ZNF454: variants seen among roughly 807,000 people sequenced by gnomAD.
ZNF454 encodes the protein zinc finger protein 454.
A neutral mutation model predicts 48.2 loss-of-function variants in ZNF454; 30 were observed. The ratio of observed to expected loss-of-function variants is 0.62; its 90% CI spans 0.47 to 0.84. The LOEUF is 0.84. Ranked by LOEUF, ZNF454 falls within the 40% of genes least tolerant of loss-of-function variation. ZNF454 has a pLI of 0.00. For missense variants in ZNF454, 510 were observed against 623.1 expected, an observed-to-expected ratio of 0.82 and a Z score of 1.93; for synonymous variants, 204 against 211.4, an observed-to-expected ratio of 0.97 and a Z score of 0.30.
At chr5:178,976,389 G>T in the ZNF454 span, among the ~76,000 whole-genome samples, 1 of 152,190 alleles carries the variant, frequency 6.6e-6, no homozygotes, top group Admixed American at 6.5e-5. Context: ...GTCTGCTGAT[G>T]TATCCCAGGT....
chr5:178,941,328 G>A lies in ZNF454; in HGVS notation c.-224G>A, dbSNP rs1759077856. The A allele has an allele frequency of 4.4e-6, 2 of 453,662 alleles. No individual in the cohort carries two copies. Among genetic ancestry groups the A allele is most frequent in the Non-Finnish European group, 8.9e-6 (2 of 225,064 alleles). The allele number at this position is 453,662 out of a possible 1,614,324, so 28.1% of individuals were successfully genotyped here. A position where few individuals can be genotyped will look rare whatever the true frequency, so the allele number is the denominator to read the frequency against. ...AGGCACGGTGGTCAAAGCCGCAGAG[G>A]GAGAGCGGGAGCGGTCGTGAGGTCG... On this transcript the variant is annotated 5_prime_UTR_variant, in exon 1 of 5. Coordinates refer to ENST00000519564, the MANE Select transcript of ZNF454 (RefSeq NM_001178089.3). This position sits in a 1 kb window ranked among gnomAD's most constrained non-coding sequence, Gnocchi z 5.5.
intron 4 of ZNF454, among the ~76,000 whole-genome samples, chr5:178,949,135 CG>C (rs1270014286): frequency 6.6e-6 from 1 of 152,048 alleles, no homozygotes; most frequent in Non-Finnish European, 1.5e-5. Context: ...CTGCAACCTC[CG>C]TTCTCCCGAG....
chr5:178,984,606 G>A, the ZNF454 span, among the ~76,000 whole-genome samples: 2 of 152,170 alleles, frequency 1.3e-5, no homozygotes, highest in African/African-American at 2.4e-5. Flanking sequence ...ATCTCCACCT[G>A]AGGGTGGGGG....
rs770257574 is a variant in ZNF454 at position 178,946,897 on chromosome 5, G to A, written c.161G>A (p.Gly54Glu). The change falls in exon 4 of 5, where the codon GGA becomes GAA. Residue 54 changes from glycine to glutamate, a missense_variant and splice_region_variant. Coordinates refer to ENST00000519564, the MANE Select transcript of ZNF454 (RefSeq NM_001178089.3). The surrounding 1 kb of genome is among the most constrained non-coding windows in gnomAD (Gnocchi z 4.5). ...CATTTTTGTCTCCCCTTAAAAACAG[G>A]ACTCTTAGGACCCAAACCAGATACG... The part of the protein sequence containing the change: ...LENYSNLVSL[G>E]LLGPKPDTFS... 3 of 1,613,256 alleles carry A rather than the reference G, an allele frequency of 1.9e-6. No individual in the cohort carries two copies. The highest frequency in any genetic ancestry group is 2.2e-5 in the South Asian group (2 of 90,954).
chr5:178,959,429 C>G (rs1267032439), intron 4 of ZNF454, among the ~76,000 whole-genome samples: 11 of 152,138 alleles, frequency 7.2e-5, no homozygotes, highest in Admixed American at 2.0e-4. Context: ...TATAATAAGC[C>G]TTACACTTGC....
chr5:178,985,208 C>T, the ZNF454 span: 34 of 452,610 alleles, frequency 7.5e-5, no homozygotes, highest in Admixed American at 4.8e-4. Context: ...GCTCTTTGAC[C>T]TGTTTCCATA....
At chr5:178,951,143 C>T (rs551418776) in intron 4 of ZNF454, among the ~76,000 whole-genome samples, 14 of 152,320 alleles carry the variant, frequency 9.2e-5, no homozygotes, top group Admixed American at 3.3e-4. Flanking sequence ...CAGGCATGAG[C>T]CACTGCACCC....
intron 2 of ZNF454, among the ~76,000 whole-genome samples, chr5:178,943,532 C>T (rs1233167320): frequency 6.6e-6 from 1 of 152,140 alleles, no homozygotes. Context: ...GGACATACAT[C>T]CAAACTATAT....
At chr5:178,943,723 C>T (rs1433504776) in intron 2 of ZNF454, among the ~76,000 whole-genome samples, 1 of 152,194 alleles carries the variant, frequency 6.6e-6, no homozygotes, top group Non-Finnish European at 1.5e-5. Context: ...GCAGTCCTAG[C>T]ATCTTTAGAA....
intron 4 of ZNF454, among the ~76,000 whole-genome samples, chr5:178,949,281 A>AG (rs1759465438): frequency 6.6e-6 from 1 of 151,808 alleles, no homozygotes; most frequent in Non-Finnish European, 1.5e-5. Flanking sequence ...CAAACTCGTG[A>AG]CCTCTGGTGA....
chr5:178,949,261 A>G (rs1047775995), intron 4 of ZNF454, among the ~76,000 whole-genome samples: 2 of 151,952 alleles, frequency 1.3e-5, no homozygotes, highest in Non-Finnish European at 2.9e-5. Flanking sequence ...CATGTTGGCC[A>G]GGCTGTTCTC....
the ZNF454 span, among the ~76,000 whole-genome samples, chr5:178,973,088 C>CCT: frequency 6.6e-6 from 1 of 150,618 alleles, no homozygotes; most frequent in Non-Finnish European, 1.5e-5. Context: ...ACCTCCCTCC[C>CCT]TCCTTCCTTC....
Position 178,946,012 on chromosome 5 carries a change from C to G in ZNF454, c.34-347C>G, listed in dbSNP as rs768888696. Among the ~76,000 whole-genome samples the G allele has an allele frequency of 3.3e-5, 5 of 152,074 alleles. No individual in the cohort carries two copies. Among genetic ancestry groups the G allele is most frequent in the Non-Finnish European group, 7.4e-5 (5 of 68,000 alleles). The stretch of plus-strand genomic sequence containing the variant: ...GAGTGAGCCGTGTCTATGCTGAGAC[C>G]TGCGTAGGATTTGGTCCCCTGGGGT... On this transcript the variant is annotated intron_variant, in intron 2 of 4. Coordinates refer to ENST00000519564, the MANE Select transcript of ZNF454 (RefSeq NM_001178089.3). The surrounding 1 kb of genome is among the most constrained non-coding windows in gnomAD (Gnocchi z 4.5).
chr5:178,968,992 A>T (rs1172309061), downstream of ZNF454: 1 of 397,510 alleles, frequency 2.5e-6, no homozygotes, highest in Non-Finnish European at 5.0e-6. Flanking sequence ...GTTTTCATGA[A>T]ATCAGTCCTC....
chr5:178,973,749 A>G, the ZNF454 span, among the ~76,000 whole-genome samples: 1 of 151,512 alleles, frequency 6.6e-6, no homozygotes, highest in Non-Finnish European at 1.5e-5. Context: ...AGGCTGAGGC[A>G]GGAGAATGGC....
At position 178,946,439 on chromosome 5, in the gene ZNF454, G is replaced by T. The variant is rs767545892; in HGVS notation, c.114G>T (p.Leu38=). Residue 38 remains leucine, a synonymous_variant, in exon 3 of 5, where the codon CTG becomes CTT. Transcript: ENST00000519564. The surrounding 1 kb of genome is among the most constrained non-coding windows in gnomAD (Gnocchi z 4.5). ...AGCTGAGCCCCGCCCAGAGGGCCCT[G>T]TACAGGGACGTGATGCTGGAGAACT... is the stretch of plus-strand genomic sequence containing the variant. ...WGQLSPAQRA[L]YRDVMLENYS... 98 of 1,611,222 alleles carry T rather than the reference G, an allele frequency of 6.1e-5. 1 individual carries two copies. The highest frequency in any genetic ancestry group is 2.0e-4 in the Admixed American group (12 of 58,858).
chr5:178,946,233 C>T lies in ZNF454; in HGVS notation c.34-126C>T, dbSNP rs755067197. The T allele has an allele frequency of 1.3e-5, 17 of 1,308,612 alleles. No homozygotes were observed. The highest frequency in any genetic ancestry group is 3.0e-5 in the African/African-American group (2 of 66,334). 81.1% of individuals were successfully genotyped at this position (1,308,612 alleles called of 1,614,324 possible). On this transcript the variant is annotated intron_variant, in intron 2 of 4. Transcript: ENST00000519564. This position sits in a 1 kb window ranked among gnomAD's most constrained non-coding sequence, Gnocchi z 4.5. ...GAAGAGTGATGAACTTGTCACAGAA[C>T]GCCAGCTCCCTGTGTGCCAGCAGTC...
chr5:178,988,196 G>C, the ZNF454 span, among the ~76,000 whole-genome samples: 1 of 152,212 alleles, frequency 6.6e-6, no homozygotes, highest in Admixed American at 6.5e-5. The surrounding 1 kb of genome is among the most constrained non-coding windows in gnomAD (Gnocchi z 6.0). Context: ...CAGACACGGA[G>C]AGAGGTCTGA....
At chr5:178,970,866 A>T (rs958468159), downstream of ZNF454, among the ~76,000 whole-genome samples, 3 of 152,320 alleles carry the variant, frequency 2.0e-5, no homozygotes, top group East Asian at 1.9e-4. Flanking sequence ...GGCCAAAAGC[A>T]TTCCAAGTGT....
Sources: gnomAD v4.1 joint callset for allele counts (sites outside exome capture counted in the v4.1 genomes callset) on GRCh38, gnomAD v4.1.1 for gene constraint, Gnocchi (gnomAD v3.1) non-coding constraint, MANE v1.5 for transcripts, NCBI Gene and HGNC (gene_info 2026-07-23, HGNC 2026-07-21) for gene names.